CPE: variants seen among roughly 807,000 people sequenced by gnomAD.
CPE encodes the protein carbocypeptidase E.
In CPE, 17 loss-of-function variants were observed where a neutral mutation model predicts 53.5. The ratio of observed to expected loss-of-function variants is 0.32; its 90% confidence interval spans 0.22 to 0.48. CPE has a LOEUF of 0.48. CPE is among the 20% of genes least tolerant of loss of function. The pLI is 0.99. For missense variants in CPE, 524 were observed against 614.7 expected (o/e 0.85, Z 1.56); for synonymous variants, 226 against 228.8 (o/e 0.99, Z 0.11).
rs1433132272 is a variant in CPE, at chr4:165,495,670, C to T, written c.1325C>T (p.Ala442Val). 8 of 1,600,618 alleles carry T rather than the reference C, an allele frequency of 5.0e-6. No homozygotes were observed. The highest frequency in any genetic ancestry group is 6.8e-6 in the Non-Finnish European group (8 of 1,169,668). The change falls in exon 8 of 9, where the codon GCT (alanine) becomes GTT (valine). Residue 442 changes from alanine to valine, a missense_variant. Physicochemically the swap from Ala to Val is moderately conservative, Grantham distance 64. Coordinates refer to ENST00000402744, the MANE Select transcript of CPE (RefSeq NM_001873.4). ...AAAGTGGCAGTTCCTTACAGCCCTG[C>T]TGCTGGGGTAAGTAATCATAATAAT... is the stretch of plus-strand genomic sequence containing the variant. ...TKKVAVPYSP[A>V]AGVDFELESF...
At chr4:165,476,882 G>A (rs1305565852) in intron 3 of CPE, among the ~76,000 whole-genome samples, 1 of 152,220 alleles carries the variant, frequency 6.6e-6, no homozygotes, top group Non-Finnish European at 1.5e-5. Context: ...GGGAGAGGGG[G>A]AGCCAGAAAG....
chr4:165,490,612 A>G lies in CPE; in HGVS notation c.1114-2559A>G, dbSNP rs2126716102. ...CACACTACACTCCAGCCTGGGCGAC[A>G]GAGCGAGACTCCGTCTCAAAAAAAA... On this transcript the variant is annotated intron_variant, in intron 6 of 8. Transcript: ENST00000402744. Among the ~76,000 whole-genome samples the G allele has an allele frequency of 2.1e-5, 3 of 143,128 alleles. 1 individual carries two copies. The East Asian group carries it at 6.6e-4, about 31-fold the overall frequency. 93.9% of individuals were successfully genotyped at this position (143,128 alleles called of 152,430 possible).
chr4:165,468,214 T>C (rs1224191165), intron 3 of CPE, among the ~76,000 whole-genome samples: 1 of 152,196 alleles, frequency 6.6e-6, no homozygotes, highest in Non-Finnish European at 1.5e-5. Context: ...TCCCTTGCTT[T>C]ACAAAACTCT....
At chr4:165,483,293 A>G (rs1262230772) in intron 4 of CPE, among the ~76,000 whole-genome samples, 1 of 152,192 alleles carries the variant, frequency 6.6e-6, no homozygotes, top group African/African-American at 2.4e-5. Flanking sequence ...TCCTAGCTCC[A>G]TCCATGTCGT....
chr4:165,486,584 A>G (rs529472502), intron 5 of CPE, among the ~76,000 whole-genome samples: 2 of 152,192 alleles, frequency 1.3e-5, no homozygotes, highest in East Asian at 1.9e-4. Flanking sequence ...CGCCTCCCCC[A>G]TATTTTGCCC....
intron 1 of CPE, among the ~76,000 whole-genome samples, chr4:165,445,652 T>A (rs1731701139): frequency 6.6e-6 from 1 of 152,172 alleles, no homozygotes; most frequent in African/African-American, 2.4e-5. Context: ...CTTGAATAAA[T>A]ACAAATTAAA....
intron 1 of CPE, among the ~76,000 whole-genome samples, chr4:165,423,868 C>T (rs1239745655): frequency 6.8e-6 from 1 of 146,446 alleles, no homozygotes; most frequent in Non-Finnish European, 1.5e-5. Flanking sequence ...TGTTCAATTC[C>T]CACCTATGAG....
chr4:165,487,317 C>A, intron 5 of CPE, 121 bp from the exon 6 acceptor site: 2 of 1,349,934 alleles, frequency 1.5e-6, no homozygotes, highest in Admixed American at 2.1e-5. Context: ...AGTTTTCCCA[C>A]AGGCTTCCCA....
At chr4:165,383,435 C>G (rs1185351963) in intron 1 of CPE, among the ~76,000 whole-genome samples, 1 of 152,136 alleles carries the variant, frequency 6.6e-6, no homozygotes, top group Non-Finnish European at 1.5e-5. Context: ...TCTGTGTTCC[C>G]AGACCACTCG....
At chr4:165,481,016 A>ATTTT (rs11421146) in intron 3 of CPE, among the ~76,000 whole-genome samples, 3 of 111,038 alleles carry the variant, frequency 2.7e-5, no homozygotes, top group South Asian at 3.2e-4. Flanking sequence ...ATATATATAT[A>ATTTT]TTTTTTTTTT....
At chr4:165,402,656 C>G (rs1015142901) in intron 1 of CPE, among the ~76,000 whole-genome samples, 2 of 152,200 alleles carry the variant, frequency 1.3e-5, no homozygotes, top group African/African-American at 4.8e-5. Flanking sequence ...TGAGCCCTCC[C>G]CAGAAGCCGT....
chr4:165,456,359 T>C (rs1190508890), intron 1 of CPE, among the ~76,000 whole-genome samples: 1 of 152,120 alleles, frequency 6.6e-6, no homozygotes, highest in African/African-American at 2.4e-5. Context: ...TCCCCCTAAG[T>C]TGAATTCATA....
At chr4:165,424,955 A>C (rs375829175) in intron 1 of CPE, among the ~76,000 whole-genome samples, 1 of 150,024 alleles carries the variant, frequency 6.7e-6, no homozygotes, top group South Asian at 2.1e-4. Flanking sequence ...GCTCACTGCA[A>C]CCTACACCTC....
chr4:165,419,298 A>G (rs1731170183), intron 1 of CPE, among the ~76,000 whole-genome samples: 1 of 152,200 alleles, frequency 6.6e-6, no homozygotes, highest in South Asian at 2.1e-4. Flanking sequence ...TTAGACGTGT[A>G]AAGTAAAAGG....
chr4:165,436,056 A>T (rs754816329), intron 1 of CPE, among the ~76,000 whole-genome samples: 64 of 152,220 alleles, frequency 4.2e-4, no homozygotes, highest in South Asian at 1.5e-3. Flanking sequence ...TCCCAAACTC[A>T]AATATTTAGA....
chr4:165,399,918 CCTCT>C (rs1730838795), intron 1 of CPE, among the ~76,000 whole-genome samples: 1 of 151,976 alleles, frequency 6.6e-6, no homozygotes, highest in African/African-American at 2.4e-5. Flanking sequence ...ATAATCCCAG[CCTCT>C]CTAAGAGTGG....
chr4:165,382,760 G>A (rs1458506953), intron 1 of CPE, among the ~76,000 whole-genome samples: 1 of 152,202 alleles, frequency 6.6e-6, no homozygotes, highest in Non-Finnish European at 1.5e-5. Flanking sequence ...GCAGAAAGAA[G>A]TGATCTTTAT....
At chr4:165,480,812 C>CA (rs985969382) in intron 3 of CPE, among the ~76,000 whole-genome samples, 2 of 150,592 alleles carry the variant, frequency 1.3e-5, no homozygotes, top group Non-Finnish European at 3.0e-5. Context: ...TGTTTTCAAG[C>CA]AAAAAAAGCA....
At position 165,379,799 on chromosome 4, in the gene CPE, T is replaced by C. The variant is rs868438100; in HGVS notation, c.307+271T>C. Among the ~76,000 whole-genome samples the C allele has an allele frequency of 1.5e-4, 23 of 152,060 alleles. No individual in the cohort carries two copies. Among genetic ancestry groups the C allele is most frequent in the Non-Finnish European group, 2.5e-4 (17 of 67,992 alleles). Reference sequence around the variant, plus strand: ...ACCTTAGGCCACCCTCTAGTAAGTATAGGCTTGGGAGGCTGGGGTGGCGGG... The same window carrying C: ...ACCTTAGGCCACCCTCTAGTAAGTACAGGCTTGGGAGGCTGGGGTGGCGGG... On this transcript the variant is annotated intron_variant, in intron 1 of 8. Coordinates refer to ENST00000402744, the MANE Select transcript of CPE (RefSeq NM_001873.4). The surrounding 1 kb of genome is among the most constrained non-coding windows in gnomAD (Gnocchi z 6.0).
Sources: allele counts gnomAD v4.1 joint callset (sites outside exome capture counted in the v4.1 genomes callset), GRCh38; gene constraint gnomAD v4.1.1; non-coding constraint Gnocchi (gnomAD v3.1); transcripts MANE v1.5; gene names NCBI Gene and HGNC (gene_info 2026-07-23, HGNC 2026-07-21).